The following UBE3B variants were observed in gnomAD, a reference collection of about 807,000 sequenced individuals.
UBE3B encodes ubiquitin-protein ligase E3B.
In UBE3B, 80 loss-of-function variants were observed where a neutral mutation model predicts 132.3. The ratio of observed to expected loss-of-function variants is 0.60; its 90% CI spans 0.50 to 0.73. The LOEUF (loss-of-function observed/expected upper bound fraction) is 0.73. Among genes scored for constraint, UBE3B ranks in the 30% least tolerant of loss-of-function variants. The probability of loss-of-function intolerance (pLI) is 0.00; values close to 1 mark genes in which losing one functional copy is unlikely to be tolerated. For missense variants in UBE3B, 1,196 were observed against 1,362.5 expected (o/e 0.88, Z 1.92); for synonymous variants, 487 against 520.4 (o/e 0.94, Z 0.87).
At chr12:109,487,004 T>A (rs982573607) in intron 6 of UBE3B, among the ~76,000 whole-genome samples, 5 of 152,056 alleles carry the variant, frequency 3.3e-5, no homozygotes, top group African/African-American at 1.2e-4. Flanking sequence ...AGCTAGGGGG[T>A]TCTGATTCTC....
chr12:109,522,463 G>C lies in UBE3B; in HGVS notation c.2364+912G>C, dbSNP rs1283673074. 6.6e-6 allele frequency among the ~76,000 whole-genome samples: 1 copy of C among 152,248 alleles called. No individual in the cohort carries two copies. The highest frequency in any genetic ancestry group is 2.4e-5 in the African/African-American group (1 of 41,464). The stretch of plus-strand genomic sequence containing the variant: ...CCAGCCAGTCTGTGTGGCCTTCGCA[G>C]TGGGCTCCAGAGCTGCAGGGACCCT... On this transcript the variant is annotated intron_variant, in intron 21 of 27. Coordinates refer to ENST00000342494, the MANE Select transcript of UBE3B (RefSeq NM_130466.4). This position sits in a 1 kb window ranked among gnomAD's most constrained non-coding sequence, Gnocchi z 4.2.
chr12:109,547,528 G>A, the UBE3B span, among the ~76,000 whole-genome samples: 1 of 152,248 alleles, frequency 6.6e-6, no homozygotes, highest in East Asian at 1.9e-4. This position sits in a 1 kb window ranked among gnomAD's most constrained non-coding sequence, Gnocchi z 4.1. Flanking sequence ...CGCTCCTCGA[G>A]GCTGGGGGCT....
intron 9 of UBE3B, chr12:109,492,749 A>G (rs1408958322): frequency 6.6e-6 from 1 of 152,174 alleles, no homozygotes; most frequent in Non-Finnish European, 1.5e-5. Flanking sequence ...AAAAAAAAAA[A>G]AAAAGTCAAA....
chr12:109,529,745 T>C (rs1357453605), intron 24 of UBE3B, 145 bp from the exon 25 acceptor site: 13 of 922,690 alleles, frequency 1.4e-5, no homozygotes, highest in Non-Finnish European at 1.7e-5. Flanking sequence ...TTGTCGCCAT[T>C]GTCATTGTTC....
At chr12:109,519,202 A>G (rs914061562) in intron 19 of UBE3B, among the ~76,000 whole-genome samples, 1 of 152,204 alleles carries the variant, frequency 6.6e-6, no homozygotes, top group Non-Finnish European at 1.5e-5. Flanking sequence ...AGTCAAGGTC[A>G]CTTGGATATC....
intron 24 of UBE3B, 52 bp from the exon 25 acceptor site, chr12:109,529,838 G>A: frequency 6.2e-7 from 1 of 1,603,382 alleles, no homozygotes; most frequent in Non-Finnish European, 8.5e-7. Context: ...ATTGGTGACA[G>A]CCTGCCCCGT....
chr12:109,477,964 T>G lies in UBE3B; in HGVS notation c.-273T>G, dbSNP rs1417127331. On this transcript the variant is annotated 5_prime_UTR_variant, in exon 1 of 28. Coordinates refer to ENST00000342494, the MANE Select transcript of UBE3B (RefSeq NM_130466.4). ...TCTTTCCGCGGCCCTTTCCACCTCT[T>G]TTCACTTTGGGGACGGTAGGCCTTT... 1 of 152,870 alleles carries G rather than the reference T, an allele frequency of 6.5e-6. No homozygotes were observed. Among genetic ancestry groups the G allele is most frequent in the Non-Finnish European group, 1.5e-5 (1 of 68,454 alleles). The allele number at this position is 152,870 out of a possible 1,614,324, so 9.5% of individuals were successfully genotyped here.
intron 14 of UBE3B, among the ~76,000 whole-genome samples, chr12:109,505,903 AG>A (rs1879601496): frequency 6.6e-6 from 1 of 152,222 alleles, no homozygotes; most frequent in Non-Finnish European, 1.5e-5. Flanking sequence ...AGGTATTGTA[AG>A]GGCTCGTATA....
chr12:109,530,500 G>T, intron 25 of UBE3B, 47 bp from the exon 26 acceptor site: 1 of 1,550,806 alleles, frequency 6.4e-7, no homozygotes. Flanking sequence ...CTGTCCATAA[G>T]TGCCCACGCT....
At chr12:109,505,873 A>G (rs999077458) in intron 14 of UBE3B, among the ~76,000 whole-genome samples, 3 of 152,224 alleles carry the variant, frequency 2.0e-5, no homozygotes, top group African/African-American at 7.2e-5. Flanking sequence ...AATAATTCAG[A>G]GAGTGCCCTA....
At chr12:109,530,503 C>T (rs532217238) in intron 25 of UBE3B, 44 bp from the exon 26 acceptor site, 3 of 1,561,438 alleles carry the variant, frequency 1.9e-6, no homozygotes, top group Non-Finnish European at 2.6e-6. Context: ...TCCATAAGTG[C>T]CCACGCTAGC....
At chr12:109,524,352 C>G in intron 22 of UBE3B, 86 bp from the exon 23 acceptor site, 1 of 1,532,302 alleles carries the variant, frequency 6.5e-7, no homozygotes, top group Non-Finnish European at 9.0e-7. Flanking sequence ...TTCCCAGCAC[C>G]AAAGCAGCGC....
At chr12:109,545,139 C>T in the UBE3B span, among the ~76,000 whole-genome samples, 7,169 of 152,340 alleles carry the variant, frequency 0.047, 269 homozygotes, top group Non-Finnish European at 0.066. Context: ...GTCCCACTGA[C>T]TCTCCTGACC....
chr12:109,488,778 C>T, intron 7 of UBE3B, 110 bp downstream of exon 7: 1 of 950,178 alleles, frequency 1.1e-6, no homozygotes. Context: ...AGGGAAGGCC[C>T]TGAGACCATA....
chr12:109,506,166 T>A (rs903222317), intron 14 of UBE3B, among the ~76,000 whole-genome samples: 4 of 152,240 alleles, frequency 2.6e-5, no homozygotes, highest in Admixed American at 2.6e-4. Flanking sequence ...TGACTGCATT[T>A]CCACTTTTAA....
In UBE3B at chr12:109,516,842, G is replaced by C. The variant is rs772468185; in HGVS notation, c.2034G>C (p.Pro678=). The C allele has an allele frequency of 4.0e-5, 64 of 1,613,876 alleles. 2 individuals are homozygous for C. In the South Asian group the frequency reaches 6.9e-4, roughly 17 times the overall value. Residue 678 remains proline (P), a synonymous_variant, in exon 19 of 28, where the codon CCG becomes CCC. Coordinates refer to ENST00000342494, the MANE Select transcript of UBE3B (RefSeq NM_130466.4). ...LGLVETSSAS[P]HVTHITIRRS... Reference sequence around the variant, plus strand: ...TGGTGGAAACCAGCTCTGCCTCCCCGCATGTCACTCACATCACCATCCGCC... The same window carrying C: ...TGGTGGAAACCAGCTCTGCCTCCCCCCATGTCACTCACATCACCATCCGCC...
chr12:109,527,794 A>AG (rs1008739964), intron 24 of UBE3B, among the ~76,000 whole-genome samples: 25 of 152,272 alleles, frequency 1.6e-4, no homozygotes, highest in African/African-American at 6.0e-4. Flanking sequence ...CCATTCCTTT[A>AG]GGGGGGTGCT....
At chr12:109,528,496 A>T in intron 24 of UBE3B, 1 of 985,136 alleles carries the variant, frequency 1.0e-6, no homozygotes, top group African/African-American at 1.7e-5. Context: ...ATTTATTTGG[A>T]CTCTACTGAT....
chr12:109,503,639 A>G (rs1376346924), intron 14 of UBE3B, among the ~76,000 whole-genome samples: 1 of 152,214 alleles, frequency 6.6e-6, no homozygotes, highest in African/African-American at 2.4e-5. Context: ...CCATGTCACA[A>G]ATTCTTCGAA....
Sources: allele counts gnomAD v4.1 joint callset (sites outside exome capture counted in the v4.1 genomes callset), GRCh38; gene constraint gnomAD v4.1.1; non-coding constraint Gnocchi (gnomAD v3.1); transcripts MANE v1.5; gene names NCBI Gene and HGNC (gene_info 2026-07-23, HGNC 2026-07-21).